Variants in CD226 observed in about 807,000 individuals in gnomAD.
CD226 encodes CD226 molecule, also known as CD226 antigen.
A neutral mutation model predicts 34.9 loss-of-function variants in CD226; 24 were observed. That is an observed-to-expected ratio of 0.69 (90% CI 0.50 to 0.97). The LOEUF is 0.97. CD226 is among the 50% of genes least tolerant of loss of function. CD226 has a pLI of 0.00. For missense variants in CD226, 397 were observed against 412.7 expected (o/e 0.96, Z 0.33); for synonymous variants, 148 against 147.4 (o/e 1.00, Z -0.03).
chr18:69,886,315 T>A (rs1984553083), intron 3 of CD226, among the ~76,000 whole-genome samples: 1 of 152,054 alleles, frequency 6.6e-6, no homozygotes, highest in Non-Finnish European at 1.5e-5. Context: ...CATAGAAACA[T>A]GGTATGTGTG....
In CD226 at chr18:69,895,756, C is replaced by G. The variant is rs1277469237; in HGVS notation, c.672G>C (p.Leu224Phe). Residue 224 changes from leucine (L) to phenylalanine (F), a missense_variant, in exon 3 of 6, where the codon TTG becomes TTC. Transcript: ENST00000582621. ...TTTCGTTTTCTCCTGCGCTGGCCTG[C>G]AAGTAGCAGCGGTAAAGCCCCGAGT... Reference protein sequence around the residue: ...VSDSGLYRCYLQASAGENETF... With the variant: ...VSDSGLYRCYFQASAGENETF... 1 of 1,614,018 alleles carries G rather than the reference C, an allele frequency of 6.2e-7. No individual in the cohort carries two copies. The highest frequency in any genetic ancestry group is 2.2e-5 in the East Asian group (1 of 44,888).
At chr18:69,875,596 G>C (rs1423608302) in intron 3 of CD226, among the ~76,000 whole-genome samples, 1 of 152,206 alleles carries the variant, frequency 6.6e-6, no homozygotes, top group East Asian at 1.9e-4. Flanking sequence ...TAGGTGTGAG[G>C]TGAGAGCTCA....
intron 2 of CD226, among the ~76,000 whole-genome samples, chr18:69,897,731 G>C (rs575617711): frequency 6.6e-6 from 1 of 152,304 alleles, no homozygotes; most frequent in East Asian, 1.9e-4. Context: ...AAACAAAAGA[G>C]ATGTCACATT....
chr18:69,902,165 C>A (rs2055194601), intron 2 of CD226, among the ~76,000 whole-genome samples: 1 of 152,154 alleles, frequency 6.6e-6, no homozygotes, highest in South Asian at 2.1e-4. Flanking sequence ...ATGCTAAACT[C>A]TCTCCTGTAT....
chr18:69,875,249 C>T (rs1983792725), intron 3 of CD226, among the ~76,000 whole-genome samples: 1 of 152,226 alleles, frequency 6.6e-6, no homozygotes, highest in Non-Finnish European at 1.5e-5. Flanking sequence ...AGCAATTCTC[C>T]TGCCTCAGCC....
intron 2 of CD226, among the ~76,000 whole-genome samples, chr18:69,904,610 G>T (rs1165261829): frequency 6.6e-6 from 1 of 152,212 alleles, no homozygotes; most frequent in African/African-American, 2.4e-5. Flanking sequence ...TTTTATTATA[G>T]TCAGTATCAT....
chr18:69,866,971 C>A (rs368873697), intron 5 of CD226, among the ~76,000 whole-genome samples: 2 of 152,142 alleles, frequency 1.3e-5, no homozygotes, highest in Non-Finnish European at 2.9e-5. Flanking sequence ...GAAACCAGTA[C>A]TTCTGACACT....
intron 2 of CD226, among the ~76,000 whole-genome samples, chr18:69,929,097 T>C (rs1263451022): frequency 6.6e-6 from 1 of 152,172 alleles, no homozygotes; most frequent in African/African-American, 2.4e-5. Flanking sequence ...AGAGTGGGGA[T>C]TGTGGGTGAC....
chr18:69,895,401 C>A (rs1173529471), intron 3 of CD226, among the ~76,000 whole-genome samples: 2 of 152,072 alleles, frequency 1.3e-5, no homozygotes, highest in African/African-American at 4.8e-5. Flanking sequence ...ACAGCTGAAA[C>A]CTGAAGGCTG....
Position 69,926,156 on chromosome 18 carries a change from C to G in CD226, c.382+20578G>C, listed in dbSNP as rs150209669. 2.7e-4 allele frequency among the ~76,000 whole-genome samples: 41 copies of G among 152,044 alleles called. No homozygotes were observed. In the East Asian group the frequency reaches 7.2e-3, roughly 27 times the overall value. ...AGACTCCATCTCAAAACAACAATAACAACAAAGAACCACTCAGCATCAGGT... is the reference window on the plus strand; with the variant it reads ...AGACTCCATCTCAAAACAACAATAAGAACAAAGAACCACTCAGCATCAGGT... On this transcript the variant is annotated intron_variant, in intron 2 of 5. Transcript: ENST00000582621.
chr18:69,897,237 C>T (rs763647842), intron 2 of CD226, among the ~76,000 whole-genome samples: 6 of 152,090 alleles, frequency 3.9e-5, no homozygotes, highest in African/African-American at 1.2e-4. Context: ...ACAGATATAG[C>T]GTACATAAAC....
chr18:69,888,416 CT>C (rs397771802), intron 3 of CD226, among the ~76,000 whole-genome samples: 5,018 of 124,948 alleles, frequency 0.04, 207 homozygotes, highest in African/African-American at 0.14. Flanking sequence ...TTTCCTTTCT[CT>C]TTTTTTTTTT....
At chr18:69,891,174 A>G (rs11151545) in intron 3 of CD226, among the ~76,000 whole-genome samples, 63,956 of 152,018 alleles carry the variant, frequency 0.42, 16,219 homozygotes, top group East Asian at 0.65. Flanking sequence ...ATGGTTCAAC[A>G]TATGTAAATC....
At chr18:69,902,954 G>C (rs1333808297) in intron 2 of CD226, among the ~76,000 whole-genome samples, 2 of 152,026 alleles carry the variant, frequency 1.3e-5, no homozygotes, top group East Asian at 1.9e-4. Context: ...CCAAATAAAT[G>C]CAAAATGAAA....
At chr18:69,926,585 G>C (rs1246291521) in intron 2 of CD226, among the ~76,000 whole-genome samples, 1 of 152,144 alleles carries the variant, frequency 6.6e-6, no homozygotes, top group Non-Finnish European at 1.5e-5. Flanking sequence ...AGTGGTAACA[G>C]CTAAATATGT....
At chr18:69,932,117 T>G (rs916585019) in intron 2 of CD226, among the ~76,000 whole-genome samples, 6 of 152,168 alleles carry the variant, frequency 3.9e-5, no homozygotes, top group Admixed American at 2.0e-4. Flanking sequence ...TTCCAAATAG[T>G]CACCTTCTGA....
chr18:69,902,722 G>T (rs1476155141), intron 2 of CD226, among the ~76,000 whole-genome samples: 2 of 151,738 alleles, frequency 1.3e-5, no homozygotes, highest in South Asian at 2.1e-4. Context: ...TCTCCCCAGG[G>T]TTTCTAAAGC....
At position 69,916,068 on chromosome 18, in the gene CD226, T is replaced by C. The variant is rs189791011; in HGVS notation, c.383-20023A>G. Among the ~76,000 whole-genome samples the C allele has an allele frequency of 7.5e-3, 1,139 of 151,400 alleles. 2 individuals carry two copies. The highest frequency in any genetic ancestry group is 0.017 in the Middle Eastern group (5 of 292). On this transcript the variant is annotated intron_variant, in intron 2 of 5. Transcript: ENST00000582621. ...TTTTTTGCCTGTCAATAGATTCAAT[T>C]GCATTTTACAGCAAAAATAATTTAC...
chr18:69,905,819 C>T (rs2055245850), intron 2 of CD226, among the ~76,000 whole-genome samples: 1 of 152,192 alleles, frequency 6.6e-6, no homozygotes, highest in South Asian at 2.1e-4. Context: ...GCCCTGATGG[C>T]ATCTGCAGAG....
Sources: allele counts gnomAD v4.1 joint callset (sites outside exome capture counted in the v4.1 genomes callset), GRCh38; gene constraint gnomAD v4.1.1; transcripts MANE v1.5; gene names NCBI Gene and HGNC (gene_info 2026-07-23, HGNC 2026-07-21).